Variants in CDH13 observed in about 807,000 individuals in gnomAD.
CDH13 encodes the protein cadherin-13.
Under a neutral mutation model 63.8 loss-of-function variants are expected in CDH13, and 24 were observed. That is an observed-to-expected ratio of 0.38 (90% CI 0.27 to 0.53). The LOEUF (loss-of-function observed/expected upper bound fraction) is 0.53, where lower values mean the gene tolerates loss of function less well. Ranked by LOEUF, CDH13 falls within the 20% of genes least tolerant of loss-of-function variation. The probability of loss-of-function intolerance (pLI) is 0.85; values close to 1 mark genes in which losing one functional copy is unlikely to be tolerated. For missense variants in CDH13, 1,049 were observed against 903.1 expected (o/e 1.16, Z -2.07); for synonymous variants, 503 against 355.3 (o/e 1.42, Z -4.67).
intron 1 of CDH13, among the ~76,000 whole-genome samples, chr16:82,794,953 C>T (rs1300902963): frequency 6.6e-6 from 1 of 152,186 alleles, no homozygotes; most frequent in Non-Finnish European, 1.5e-5. Context: ...CTACGAAAAC[C>T]ATTATGCTGC....
At chr16:82,971,486 G>T (rs566279751) in intron 2 of CDH13, among the ~76,000 whole-genome samples, 1 of 152,272 alleles carries the variant, frequency 6.6e-6, no homozygotes, top group South Asian at 2.1e-4. Context: ...AGAAGTGCAG[G>T]GCAGAGAGAT....
intron 3 of CDH13, among the ~76,000 whole-genome samples, chr16:83,040,045 T>C (rs1289790722): frequency 6.6e-6 from 1 of 151,578 alleles, no homozygotes; most frequent in Non-Finnish European, 1.5e-5. Context: ...CTTGTGCCTG[T>C]CTTAATGCTG....
At chr16:83,735,162 AT>A (rs1296700369) in intron 10 of CDH13, 2 of 152,246 alleles carry the variant, frequency 1.3e-5, no homozygotes, top group Admixed American at 1.3e-4. Context: ...TTTTGACATA[AT>A]TTTTACAACA....
In CDH13 at chr16:83,109,070, G is replaced by C. The variant is rs141358047; in HGVS notation, c.367-16315G>C. Among the ~76,000 whole-genome samples, 241 of 152,310 alleles carry C rather than the reference G, an allele frequency of 1.6e-3. 1 individual carries two copies. Among genetic ancestry groups the C allele is most frequent in the African/African-American group, 5.5e-3 (228 of 41,566 alleles). On this transcript the variant is annotated intron_variant, in intron 3 of 13. Coordinates refer to ENST00000567109, the MANE Select transcript of CDH13 (RefSeq NM_001257.5). ...TTAGGGTCTGCTCCTGGGGAGCACAGACTAAGAGTATTGAGGTCCTGGTTG... is the reference window on the plus strand; with the variant it reads ...TTAGGGTCTGCTCCTGGGGAGCACACACTAAGAGTATTGAGGTCCTGGTTG...
chr16:82,990,940 G>C (rs1166892736), intron 2 of CDH13, among the ~76,000 whole-genome samples: 1 of 152,142 alleles, frequency 6.6e-6, no homozygotes, highest in African/African-American at 2.4e-5. Flanking sequence ...TCATGTGCTG[G>C]CACTAATCAA....
At chr16:82,761,528 T>G (rs1345697326) in intron 1 of CDH13, among the ~76,000 whole-genome samples, 5 of 152,206 alleles carry the variant, frequency 3.3e-5, no homozygotes, top group Non-Finnish European at 7.3e-5. Flanking sequence ...AATCAATTAT[T>G]TGGGATCAGT....
rs1283844167 is a variant in CDH13, at chr16:83,132,893, C to T, written c.483+7392C>T. Among the ~76,000 whole-genome samples the T allele has an allele frequency of 2.6e-5, 4 of 152,166 alleles. 1 individual carries two copies. Among genetic ancestry groups the T allele is most frequent in the Admixed American group, 2.6e-4 (4 of 15,288 alleles). On this transcript the variant is annotated intron_variant, in intron 4 of 13. Coordinates refer to ENST00000567109, the MANE Select transcript of CDH13 (RefSeq NM_001257.5). Reference sequence around the variant, plus strand: ...ACAGTTTATTTCTACATTCAGCAGCCATAGCTACACATAAGCCTTTCCTAT... The same window carrying T: ...ACAGTTTATTTCTACATTCAGCAGCTATAGCTACACATAAGCCTTTCCTAT...
chr16:83,300,606 A>G (rs1032577741), intron 5 of CDH13, among the ~76,000 whole-genome samples: 3 of 152,228 alleles, frequency 2.0e-5, no homozygotes, highest in African/African-American at 4.8e-5. Context: ...CTGGGGACGC[A>G]GTGTTGGACA....
At chr16:83,368,056 A>G (rs985551786) in intron 6 of CDH13, among the ~76,000 whole-genome samples, 8 of 152,126 alleles carry the variant, frequency 5.3e-5, no homozygotes, top group African/African-American at 1.9e-4. Context: ...TTATTTTCTT[A>G]ATTTCTTATG....
chr16:83,016,155 A>G (rs971078424), intron 2 of CDH13, among the ~76,000 whole-genome samples: 1 of 152,154 alleles, frequency 6.6e-6, no homozygotes, highest in Admixed American at 6.5e-5. Flanking sequence ...CCACTGGAGG[A>G]TGAATAGGCA....
At chr16:82,660,977 A>C (rs1911874526) in intron 1 of CDH13, among the ~76,000 whole-genome samples, 1 of 152,154 alleles carries the variant, frequency 6.6e-6, no homozygotes, top group Non-Finnish European at 1.5e-5. Context: ...AGTCATAAAA[A>C]CAAACCAAAC....
intron 7 of CDH13, among the ~76,000 whole-genome samples, chr16:83,546,759 C>T (rs11149577): frequency 0.34 from 52,051 of 152,022 alleles, 9,409 homozygotes; most frequent in East Asian, 0.39. Flanking sequence ...CAGTGCCCTT[C>T]CATAGTACTT....
chr16:83,068,434 C>G (rs1432340804), intron 3 of CDH13, among the ~76,000 whole-genome samples: 1 of 152,156 alleles, frequency 6.6e-6, no homozygotes, highest in African/African-American at 2.4e-5. Context: ...ATATGCTACC[C>G]TCTCACTTGT....
At chr16:82,829,466 T>A (rs1383744531) in intron 1 of CDH13, 2 of 152,170 alleles carry the variant, frequency 1.3e-5, no homozygotes, top group African/African-American at 4.8e-5. Flanking sequence ...ATTTCTGTTT[T>A]CACGGCTACC....
intron 10 of CDH13, among the ~76,000 whole-genome samples, chr16:83,730,880 GT>G (rs1455124954): frequency 1.3e-5 from 2 of 152,132 alleles, no homozygotes; most frequent in Admixed American, 1.3e-4. Context: ...TGTACTCAAT[GT>G]TTAGCTCCCA....
intron 1 of CDH13, among the ~76,000 whole-genome samples, chr16:82,807,193 C>T (rs562816979): frequency 6.6e-6 from 1 of 151,572 alleles, no homozygotes; most frequent in East Asian, 1.9e-4. Flanking sequence ...TATAAAAATG[C>T]AATGCAGCAA....
intron 6 of CDH13, among the ~76,000 whole-genome samples, chr16:83,411,710 T>C (rs2092128910): frequency 6.6e-6 from 1 of 152,168 alleles, no homozygotes; most frequent in South Asian, 2.1e-4. Context: ...TAGTACACAT[T>C]ACAGTGTTTC....
intron 1 of CDH13, among the ~76,000 whole-genome samples, chr16:82,678,550 C>T (rs1467769558): frequency 6.6e-6 from 1 of 152,164 alleles, no homozygotes; most frequent in Non-Finnish European, 1.5e-5. Flanking sequence ...ACAAAGCCTT[C>T]TCCGGATGAG....
In CDH13 at chr16:83,665,138, T is replaced by C. The variant is rs190908215; in HGVS notation, c.1102-5652T>C. 3.3e-3 allele frequency among the ~76,000 whole-genome samples: 509 copies of C among 151,944 alleles called. 9 individuals are homozygous for C. Among genetic ancestry groups the C allele is most frequent in the Admixed American group, 0.027 (417 of 15,234 alleles). On this transcript the variant is annotated intron_variant, in intron 8 of 13. Transcript: ENST00000567109. ...GTCTGTTGTTGGAGCATAACAAGAATGAGCAAGTGTGTGAGTGCCAGGCAT... is the reference window on the plus strand; with the variant it reads ...GTCTGTTGTTGGAGCATAACAAGAACGAGCAAGTGTGTGAGTGCCAGGCAT...
Sources: allele counts gnomAD v4.1 joint callset (sites outside exome capture counted in the v4.1 genomes callset), GRCh38; gene constraint gnomAD v4.1.1; transcripts MANE v1.5; gene names NCBI Gene and HGNC (gene_info 2026-07-23, HGNC 2026-07-21).